The following DYNLT4 variants were observed in gnomAD, a reference collection of about 807,000 sequenced individuals.
The protein encoded by DYNLT4 is Tctex1 domain containing 4.
DYNLT4 carries 3 observed loss-of-function variants against 1.5 expected under a neutral mutation model. The observed-to-expected ratio is 1.97, with a 90% CI of 0.90 to 5.08. The LOEUF (loss-of-function observed/expected upper bound fraction) is 5.08, where lower values mean the gene tolerates loss of function less well. Among genes scored for constraint, DYNLT4 ranks in the 30% most tolerant of loss-of-function variants. The probability of loss-of-function intolerance (pLI) is 0.02; values close to 1 mark genes in which losing one functional copy is unlikely to be tolerated. For synonymous variants in DYNLT4, 181 were observed against 160.0 expected, an observed-to-expected ratio of 1.13 and a Z score of -0.99; for missense variants, 346 against 341.0, an observed-to-expected ratio of 1.01 and a Z score of -0.12.
Position 44,806,066 on chromosome 1 carries a change from C to T in DYNLT4, c.603G>A (p.Ser201=), listed in dbSNP as rs1476624581. Residue 201 remains serine, a synonymous_variant, in exon 3 of 3, where the codon TCG becomes TCA. Coordinates refer to ENST00000339355, the MANE Select transcript of DYNLT4 (RefSeq NM_001377534.1). ...AGAGCGAGGTGTTGGTGTAGGAGAC[C>T]GAGGCCAGCCCATCGCGCGCCACGT... ...LWDVARDGLA[S]VSYTNTSLFA... is the part of the protein sequence containing the mutation. 3.1e-6 allele frequency: 5 copies of T among 1,601,354 alleles called. No individual in the cohort carries two copies. The highest frequency in any genetic ancestry group is 3.4e-5 in the Admixed American group (2 of 58,464).
At position 44,806,319 on chromosome 1, in the gene DYNLT4, C is replaced by G. The variant is rs748563570; in HGVS notation, c.350G>C (p.Arg117Pro). 1.3e-6 allele frequency: 2 copies of G among 1,485,500 alleles called. No homozygotes were observed. The highest frequency in any genetic ancestry group is 1.8e-6 in the Non-Finnish European group (2 of 1,125,162). The allele number at this position is 1,485,500 out of a possible 1,614,324, so 92.0% of individuals were successfully genotyped here. Residue 117 changes from arginine (R) to proline (P), a missense_variant, in exon 3 of 3, where the codon CGC becomes CCC. Transcript: ENST00000339355. ...ACGCTGTGCACGCGCAGCCTCCCAG[C>G]GCTCCCCGGGCACTGGCTCCGTGCG... Reference protein sequence around the residue: ...SYRTEPVPGERWEAARAQRAL... With the variant: ...SYRTEPVPGEPWEAARAQRAL...
Position 44,805,982 on chromosome 1 carries a change from TTTGC to T in DYNLT4, c.*17_*20del, listed in dbSNP as rs1652028618. The stretch of plus-strand genomic sequence containing the variant: ...GCCTCCTCCTAGGATAATAAACAAT[TTTGC>T]AGAATTGGACTCCCCCTCACTCGCA... On this transcript the variant is annotated 3_prime_UTR_variant, in exon 3 of 3. Coordinates refer to ENST00000339355, the MANE Select transcript of DYNLT4 (RefSeq NM_001377534.1). The T allele has an allele frequency of 6.6e-7, 1 of 1,521,786 alleles. No individual in the cohort carries two copies. Among genetic ancestry groups the T allele is most frequent in the Admixed American group, 2.2e-5 (1 of 46,226 alleles). 94.3% of individuals were successfully genotyped at this position (1,521,786 alleles called of 1,614,324 possible). A position where few individuals can be genotyped will look rare whatever the true frequency, so the allele number is the denominator to read the frequency against.
chr1:44,806,237 C>A lies in DYNLT4; in HGVS notation c.432G>T (p.Glu144Asp), dbSNP rs1370988232. Residue 144 changes from glutamate (E) to aspartate (D), a missense_variant, in exon 3 of 3, where the codon GAG (glutamate) becomes GAT (aspartate). By Grantham distance (45) the Glu-to-Asp change is conservative. Transcript: ENST00000339355. ...GLHDACYSSD[E>D]AARLVRELCE... ...AGAGCTCCCGCACCAGCCGCGCGGC[C>A]TCGTCGCTGGAGTAGCACGCGTCGT... The A allele has an allele frequency of 6.5e-7, 1 of 1,531,452 alleles. No individual in the cohort carries two copies. 94.9% of individuals were successfully genotyped at this position (1,531,452 alleles called of 1,614,324 possible).
chr1:44,806,012 G>C lies in DYNLT4; in HGVS notation c.657C>G (p.Tyr219Ter). 4.5e-6 allele frequency: 7 copies of C among 1,552,570 alleles called. No individual in the cohort carries two copies. Among genetic ancestry groups the C allele is most frequent in the Non-Finnish European group, 6.1e-6 (7 of 1,146,462 alleles). ...LFAVATVHGL[Y>*]CE is the part of the protein sequence containing the mutation. Reference sequence around the variant, plus strand: ...AGAATTGGACTCCCCCTCACTCGCAGTAGAGCCCGTGGACCGTGGCCACCG... The same window carrying C: ...AGAATTGGACTCCCCCTCACTCGCACTAGAGCCCGTGGACCGTGGCCACCG... Residue 219 changes from tyrosine (Y) to a stop codon, truncating the protein, a stop_gained, in exon 3 of 3, where the codon TAC (tyrosine) becomes TAG (stop). Coordinates refer to ENST00000339355, the MANE Select transcript of DYNLT4 (RefSeq NM_001377534.1). LOFTEE classifies it high-confidence loss of function.
rs770307795 is a variant in DYNLT4 at position 44,806,325 on chromosome 1, C to T, written c.344G>A (p.Gly115Glu). The T allele has an allele frequency of 6.7e-6, 10 of 1,491,472 alleles. No homozygotes were observed. Among genetic ancestry groups the T allele is most frequent in the Non-Finnish European group, 8.0e-6 (9 of 1,127,772 alleles). The allele number at this position is 1,491,472 out of a possible 1,614,324, so 92.4% of individuals were successfully genotyped here. Residue 115 changes from glycine (G) to glutamate (E), a missense_variant, in exon 3 of 3, where the codon GGG becomes GAG. Coordinates refer to ENST00000339355, the MANE Select transcript of DYNLT4 (RefSeq NM_001377534.1). ...APSYRTEPVP[G>E]ERWEAARAQR... is the part of the protein sequence containing the mutation. ...TGCACGCGCAGCCTCCCAGCGCTCCCCGGGCACTGGCTCCGTGCGGTAGGA... is the reference window on the plus strand; with the variant it reads ...TGCACGCGCAGCCTCCCAGCGCTCCTCGGGCACTGGCTCCGTGCGGTAGGA...
rs1652023352 is a variant in DYNLT4 at position 44,805,895 on chromosome 1, A to G, written c.*108T>C. 6.9e-6 allele frequency: 10 copies of G among 1,450,254 alleles called. 1 individual carries two copies. In the Middle Eastern group the frequency reaches 1.1e-3, roughly 159 times the overall value. The allele number at this position is 1,450,254 out of a possible 1,614,324, so 89.8% of individuals were successfully genotyped here. ...CCTTAGCTCCCAGCTAGGGGGCGTT[A>G]TTTATGGACCACTTTTATTTATTGT... On this transcript the variant is annotated 3_prime_UTR_variant, in exon 3 of 3. Coordinates refer to ENST00000339355, the MANE Select transcript of DYNLT4 (RefSeq NM_001377534.1).
At chr1:44,807,165 T>G in intron 1 of DYNLT4, 160 bp downstream of exon 1, 2 of 979,448 alleles carry the variant, frequency 2.0e-6, no homozygotes, top group Non-Finnish European at 2.4e-6. Context: ...AGATCTACTC[T>G]AGGGTGGCTG....
chr1:44,806,727 C>G, intron 2 of DYNLT4, 48 bp from the exon 3 acceptor site: 16 of 1,403,394 alleles, frequency 1.1e-5, no homozygotes, highest in Non-Finnish European at 1.5e-5. Context: ...TCTGTCTACC[C>G]ACCCCAGCCT....
rs1320876113 is a variant in DYNLT4, at chr1:44,806,119, C to T, written c.550G>A (p.Val184Ile). The T allele has an allele frequency of 2.5e-6, 4 of 1,604,768 alleles. No individual in the cohort carries two copies. The highest frequency in any genetic ancestry group is 4.5e-5 in the East Asian group (2 of 44,546). Residue 184 changes from valine (V) to isoleucine (I), a missense_variant, in exon 3 of 3, where the codon GTT (valine) becomes ATT (isoleucine). Val to Ile is a conservative substitution (Grantham distance 29). Coordinates refer to ENST00000339355, the MANE Select transcript of DYNLT4 (RefSeq NM_001377534.1). ...CAGAGCGCACGGCTGACCACGTGAACGCCCTGGCCCGCGCGCGGCCCCAGC... is the reference window on the plus strand; with the variant it reads ...CAGAGCGCACGGCTGACCACGTGAATGCCCTGGCCCGCGCGCGGCCCCAGC... The part of the protein sequence containing the change: ...VVLGPRAGQG[V>I]HVVSRALWDV...
rs1557625520 is a variant in DYNLT4, at chr1:44,805,997, T to C, written c.*6A>G. ...AATAAACAATTTTGCAGAATTGGAC[T>C]CCCCCTCACTCGCAGTAGAGCCCGT... On this transcript the variant is annotated 3_prime_UTR_variant, in exon 3 of 3. Coordinates refer to ENST00000339355, the MANE Select transcript of DYNLT4 (RefSeq NM_001377534.1). 2.0e-6 allele frequency: 3 copies of C among 1,531,620 alleles called. No homozygotes were observed. Among genetic ancestry groups the C allele is most frequent in the East Asian group, 4.6e-5 (2 of 43,904 alleles). 94.9% of individuals were successfully genotyped at this position (1,531,620 alleles called of 1,614,324 possible). A position where few individuals can be genotyped will look rare whatever the true frequency, so the allele number is the denominator to read the frequency against.
Position 44,806,489 on chromosome 1 carries a change from G to A in DYNLT4, c.180C>T (p.Ser60=), listed in dbSNP as rs774660298. 5.2e-5 allele frequency: 79 copies of A among 1,513,330 alleles called. No homozygotes were observed. In the African/African-American group the frequency reaches 1.0e-3, roughly 20 times the overall value. The allele number at this position is 1,513,330 out of a possible 1,614,324, so 93.7% of individuals were successfully genotyped here. ...RRGSMLGLAA[S]FSRRNSLVGP... ...CGACCAGCGAGTTGCGGCGGGAGAA[G>A]GACGCGGCCAGGCCCAGCATGGAGC... is the stretch of plus-strand genomic sequence containing the variant. The change falls in exon 3 of 3, where the codon TCC becomes TCT. Residue 60 remains serine (S), a synonymous_variant. Coordinates refer to ENST00000339355, the MANE Select transcript of DYNLT4 (RefSeq NM_001377534.1).
chr1:44,806,335 G>A lies in DYNLT4; in HGVS notation c.334C>T (p.Pro112Ser), dbSNP rs1402026231. The change falls in exon 3 of 3, where the codon CCA becomes TCA. Residue 112 changes from proline (P) to serine (S), a missense_variant. Physicochemically the swap from Pro to Ser is moderately conservative, Grantham distance 74. Coordinates refer to ENST00000339355, the MANE Select transcript of DYNLT4 (RefSeq NM_001377534.1). ...GCCTCCCAGCGCTCCCCGGGCACTG[G>A]CTCCGTGCGGTAGGAGGGCGCCACC... ...RWVAPSYRTE[P>S]VPGERWEAAR... is the part of the protein sequence containing the mutation. The A allele has an allele frequency of 1.3e-5, 19 of 1,504,176 alleles. No individual in the cohort carries two copies. Among genetic ancestry groups the A allele is most frequent in the Non-Finnish European group, 1.7e-5 (19 of 1,133,256 alleles). 93.2% of individuals were successfully genotyped at this position (1,504,176 alleles called of 1,614,324 possible). A position where few individuals can be genotyped will look rare whatever the true frequency, so the allele number is the denominator to read the frequency against.
rs1652094259 is a variant in DYNLT4 at position 44,806,457 on chromosome 1, CCTGGCCCGACCAGCGAG to C, written c.195_211del (p.Asn65LysfsTer165). 3 of 1,524,128 alleles carry C rather than the reference CCTGGCCCGACCAGCGAG, an allele frequency of 2.0e-6. No individual in the cohort carries two copies. The highest frequency in any genetic ancestry group is 2.6e-6 in the Non-Finnish European group (3 of 1,141,532). 94.4% of individuals were successfully genotyped at this position (1,524,128 alleles called of 1,614,324 possible). A position where few individuals can be genotyped will look rare whatever the true frequency, so the allele number is the denominator to read the frequency against. On this transcript the variant is annotated frameshift_variant, in exon 3 of 3. Transcript: ENST00000339355. LOFTEE classifies it low-confidence loss of function (END_TRUNC). ...TGGCCGCTGACCCCCAGGACCCGCG[CCTGGCCCGACCAGCGAG>C]TTGCGGCGGGAGAAGGACGCGGCCA...
In DYNLT4 at chr1:44,806,312, C is replaced by T; in HGVS notation, c.357G>A (p.Glu119=). The T allele has an allele frequency of 6.8e-7, 1 of 1,480,866 alleles. No homozygotes were observed. Among genetic ancestry groups the T allele is most frequent in the Non-Finnish European group, 8.9e-7 (1 of 1,122,880 alleles). 91.7% of individuals were successfully genotyped at this position (1,480,866 alleles called of 1,614,324 possible). The change falls in exon 3 of 3, where the codon GAG becomes GAA. Residue 119 remains glutamate (E), a synonymous_variant. Transcript: ENST00000339355. ...RTEPVPGERW[E]AARAQRALEA... ...CCAGGGCACGCTGTGCACGCGCAGC[C>T]TCCCAGCGCTCCCCGGGCACTGGCT...
Position 44,806,340 on chromosome 1 carries a change from G to T in DYNLT4, c.329C>A (p.Thr110Lys), listed in dbSNP as rs1031620647. Reference protein sequence around the residue: ...PARWVAPSYRTEPVPGERWEA... With the variant: ...PARWVAPSYRKEPVPGERWEA... Reference sequence around the variant, plus strand: ...CCAGCGCTCCCCGGGCACTGGCTCCGTGCGGTAGGAGGGCGCCACCCAACG... The same window carrying T: ...CCAGCGCTCCCCGGGCACTGGCTCCTTGCGGTAGGAGGGCGCCACCCAACG... Residue 110 changes from threonine to lysine, a missense_variant, in exon 3 of 3, where the codon ACG (threonine) becomes AAG (lysine). By Grantham distance (78) the Thr-to-Lys change is moderately conservative. Transcript: ENST00000339355. 3 of 1,510,478 alleles carry T rather than the reference G, an allele frequency of 2.0e-6. No homozygotes were observed. Among genetic ancestry groups the T allele is most frequent in the Non-Finnish European group, 2.6e-6 (3 of 1,135,886 alleles). 93.6% of individuals were successfully genotyped at this position (1,510,478 alleles called of 1,614,324 possible). A position where few individuals can be genotyped will look rare whatever the true frequency, so the allele number is the denominator to read the frequency against.
Position 44,806,449 on chromosome 1 carries a change from G to T in DYNLT4, c.220C>A (p.Pro74Thr). 5 of 1,525,506 alleles carry T rather than the reference G, an allele frequency of 3.3e-6. No homozygotes were observed. Among genetic ancestry groups the T allele is most frequent in the Non-Finnish European group, 4.4e-6 (5 of 1,142,026 alleles). The allele number at this position is 1,525,506 out of a possible 1,614,324, so 94.5% of individuals were successfully genotyped here. Residue 74 changes from proline (P) to threonine (T), a missense_variant, in exon 3 of 3, where the codon CCT becomes ACT. By Grantham distance (38) the Pro-to-Thr change is conservative. Transcript: ENST00000339355. ...CCCAGGGATGGCCGCTGACCCCCAG[G>T]ACCCGCGCCTGGCCCGACCAGCGAG... is the stretch of plus-strand genomic sequence containing the variant. ...RNSLVGPGAG[P>T]GGQRPSLGPV...
In DYNLT4 at chr1:44,806,564, A is replaced by T. The variant is rs1261669474; in HGVS notation, c.105T>A (p.Ile35=). ...CTGGACCTGCCGGTCGGGCCTCATCAATGCTGGGCAGGCAGCCTCGGGGCC... is the reference window on the plus strand; with the variant it reads ...CTGGACCTGCCGGTCGGGCCTCATCTATGCTGGGCAGGCAGCCTCGGGGCC... ...PVRPRGCLPS[I]DEARPAGPGP... The change falls in exon 3 of 3, where the codon ATT becomes ATA. Residue 35 remains isoleucine (I), a synonymous_variant. Coordinates refer to ENST00000339355, the MANE Select transcript of DYNLT4 (RefSeq NM_001377534.1). The T allele has an allele frequency of 6.7e-7, 1 of 1,500,386 alleles. No homozygotes were observed. 92.9% of individuals were successfully genotyped at this position (1,500,386 alleles called of 1,614,324 possible). A position where few individuals can be genotyped will look rare whatever the true frequency, so the allele number is the denominator to read the frequency against.
chr1:44,806,430 G>T lies in DYNLT4; in HGVS notation c.239C>A (p.Ser80Tyr). 1 of 1,517,706 alleles carries T rather than the reference G, an allele frequency of 6.6e-7. No homozygotes were observed. The allele number at this position is 1,517,706 out of a possible 1,614,324, so 94.0% of individuals were successfully genotyped here. A position where few individuals can be genotyped will look rare whatever the true frequency, so the allele number is the denominator to read the frequency against. Residue 80 changes from serine to tyrosine, a missense_variant, in exon 3 of 3, where the codon TCC (serine) becomes TAC (tyrosine). By Grantham distance (144) the Ser-to-Tyr change is moderately radical (BLOSUM62 -2). Transcript: ENST00000339355. Reference protein sequence around the residue: ...PGAGPGGQRPSLGPVPPLGSR... With the variant: ...PGAGPGGQRPYLGPVPPLGSR... ...GCCCAGAGGGGGCACCGGGCCCAGG[G>T]ATGGCCGCTGACCCCCAGGACCCGC...
At chr1:44,806,954 C>T in intron 1 of DYNLT4, 116 bp from the exon 2 acceptor site, 1 of 985,380 alleles carries the variant, frequency 1.0e-6, no homozygotes, top group Non-Finnish European at 1.2e-6. Flanking sequence ...TGGAAGTTAG[C>T]CAGGTACGCT....
Sources: gnomAD v4.1 joint callset for allele counts on GRCh38, gnomAD v4.1.1 for gene constraint, MANE v1.5 for transcripts, NCBI Gene and HGNC (gene_info 2026-07-23, HGNC 2026-07-21) for gene names.